The following GOPC variants were observed in gnomAD, a reference collection of about 807,000 sequenced individuals.
GOPC encodes golgi associated PDZ and coiled-coil motif containing.
In GOPC, 32 loss-of-function variants were observed where a neutral mutation model predicts 51.2. The ratio of observed to expected loss-of-function variants is 0.63; its 90% confidence interval spans 0.47 to 0.84. GOPC has a LOEUF of 0.84. Ranked by LOEUF, GOPC falls within the 40% of genes least tolerant of loss-of-function variation. The pLI is 0.00. For synonymous variants in GOPC, 190 were observed against 205.1 expected, an observed-to-expected ratio of 0.93 and a Z score of 0.63; for missense variants, 441 against 555.5, an observed-to-expected ratio of 0.79 and a Z score of 2.07.
chr6:117,580,759 CTA>C (rs1779945489), intron 1 of GOPC, among the ~76,000 whole-genome samples: 1 of 152,098 alleles, frequency 6.6e-6, no homozygotes, highest in Admixed American at 6.5e-5. Context: ...TTTAGCAACA[CTA>C]TTAAGGAAAT....
intron 8 of GOPC, among the ~76,000 whole-genome samples, chr6:117,564,012 C>T (rs529777002): frequency 1.4e-5 from 2 of 147,712 alleles, no homozygotes; most frequent in South Asian, 4.3e-4. Context: ...GGGTCTCACT[C>T]TATTGCCCAG....
At chr6:117,601,933 C>T in intron 1 of GOPC, 71 bp downstream of exon 1, 1 of 1,519,128 alleles carries the variant, frequency 6.6e-7, no homozygotes, top group Non-Finnish European at 9.0e-7. Context: ...TTCACTGGAG[C>T]GTTAAATGGC....
At chr6:117,590,867 T>A (rs1472264750) in intron 1 of GOPC, among the ~76,000 whole-genome samples, 1 of 152,136 alleles carries the variant, frequency 6.6e-6, no homozygotes, top group African/African-American at 2.4e-5. Context: ...TTGTTTTGTT[T>A]TTTGAGAAGG....
intron 1 of GOPC, among the ~76,000 whole-genome samples, chr6:117,586,681 CTG>C (rs781287258): frequency 3.3e-5 from 5 of 151,824 alleles, no homozygotes; most frequent in Non-Finnish European, 7.4e-5. Flanking sequence ...CGGGGTTTCA[CTG>C]TGTTAGCCAG....
chr6:117,577,524 T>G, intron 2 of GOPC, 53 bp from the exon 3 acceptor site: 2 of 1,414,230 alleles, frequency 1.4e-6, no homozygotes, highest in Non-Finnish European at 2.0e-6. Flanking sequence ...AACAAATGAT[T>G]TTATTTAGTG....
intron 1 of GOPC, among the ~76,000 whole-genome samples, chr6:117,584,571 T>C (rs1308544128): frequency 1.3e-5 from 2 of 152,132 alleles, no homozygotes; most frequent in Non-Finnish European, 2.9e-5. Flanking sequence ...AGAGCCTCCA[T>C]GCCTTCCCTG....
chr6:117,588,623 A>G (rs1194260657), intron 1 of GOPC, among the ~76,000 whole-genome samples: 1 of 152,140 alleles, frequency 6.6e-6, no homozygotes, highest in Admixed American at 6.5e-5. Flanking sequence ...CTATTCTTCT[A>G]AAACATTTTT....
At chr6:117,569,147 T>C (rs1779756983) in intron 7 of GOPC, among the ~76,000 whole-genome samples, 1 of 152,222 alleles carries the variant, frequency 6.6e-6, no homozygotes, top group African/African-American at 2.4e-5. Flanking sequence ...ATGTGTGATT[T>C]CAATTTTAAT....
At chr6:117,572,704 A>T (rs188794094) in intron 5 of GOPC, among the ~76,000 whole-genome samples, 1 of 152,340 alleles carries the variant, frequency 6.6e-6, no homozygotes, top group East Asian at 1.9e-4. Flanking sequence ...CCTAGAAGTT[A>T]ATGGGAACCA....
At chr6:117,575,429 C>G in intron 3 of GOPC, 77 bp from the exon 4 acceptor site, 1 of 1,026,344 alleles carries the variant, frequency 9.7e-7, no homozygotes, top group Non-Finnish European at 1.5e-6. Flanking sequence ...TGAAAATGCA[C>G]AAAAGCCTAC....
chr6:117,599,626 CTA>C (rs1163362338), intron 1 of GOPC, among the ~76,000 whole-genome samples: 1 of 152,202 alleles, frequency 6.6e-6, no homozygotes, highest in Non-Finnish European at 1.5e-5. Flanking sequence ...CCCCATTTTC[CTA>C]TGATCTTTAA....
chr6:117,596,119 T>C (rs531212383), intron 1 of GOPC, among the ~76,000 whole-genome samples: 1 of 152,282 alleles, frequency 6.6e-6, no homozygotes, highest in Non-Finnish European at 1.5e-5. Flanking sequence ...TATTGCATTG[T>C]GGTTTTGATT....
intron 1 of GOPC, among the ~76,000 whole-genome samples, chr6:117,596,324 T>G (rs1164981009): frequency 6.6e-6 from 1 of 152,194 alleles, no homozygotes; most frequent in Non-Finnish European, 1.5e-5. Flanking sequence ...GTTGTGAAGA[T>G]TTTCTCCCAC....
At chr6:117,585,933 T>G (rs1025986406) in intron 1 of GOPC, among the ~76,000 whole-genome samples, 1 of 152,216 alleles carries the variant, frequency 6.6e-6, no homozygotes, top group African/African-American at 2.4e-5. Context: ...TGACTCCACA[T>G]GGCAATTTAA....
At chr6:117,574,975 AGG>A (rs1197768167) in intron 4 of GOPC, among the ~76,000 whole-genome samples, 200 bp downstream of exon 4, 4 of 152,124 alleles carry the variant, frequency 2.6e-5, no homozygotes, top group Non-Finnish European at 4.4e-5. Flanking sequence ...GCTACTCAGG[AGG>A]CTGAGGTAGG....
intron 1 of GOPC, among the ~76,000 whole-genome samples, chr6:117,590,009 T>C (rs1408025315): frequency 1.3e-5 from 2 of 152,194 alleles, no homozygotes; most frequent in African/African-American, 4.8e-5. Flanking sequence ...GAGGAATAAA[T>C]GAACCTGAAG....
intron 1 of GOPC, among the ~76,000 whole-genome samples, chr6:117,590,715 T>C (rs868203488): frequency 1.4e-4 from 22 of 152,044 alleles, no homozygotes; most frequent in African/African-American, 5.3e-4. Context: ...CTCTGAGCTT[T>C]GAATGGAGAT....
At chr6:117,567,266 TGA>T (rs979884852) in intron 7 of GOPC, among the ~76,000 whole-genome samples, 1 of 152,208 alleles carries the variant, frequency 6.6e-6, no homozygotes, top group Non-Finnish European at 1.5e-5. Context: ...CTCTTTCTAC[TGA>T]CCATAGTCTT....
rs1303043709 is a variant in GOPC at position 117,572,172 on chromosome 6, CTCA to C, written c.817-1220_817-1218del. ...CAAACACTACTTGTCTAAAACTGATCTCATCATCTTTTCCCCAAATCCTTCCTT... is the reference window on the plus strand; with the variant it reads ...CAAACACTACTTGTCTAAAACTGATCTCATCTTTTCCCCAAATCCTTCCTT... On this transcript the variant is annotated intron_variant, in intron 5 of 8. Coordinates refer to ENST00000368498, the MANE Select transcript of GOPC (RefSeq NM_020399.4). 2.6e-5 allele frequency among the ~76,000 whole-genome samples: 4 copies of C among 152,152 alleles called. No homozygotes were observed. In the East Asian group the frequency reaches 7.7e-4, roughly 29 times the overall value.
Sources: gnomAD v4.1 joint callset for allele counts (sites outside exome capture counted in the v4.1 genomes callset) on GRCh38, gnomAD v4.1.1 for gene constraint, MANE v1.5 for transcripts, NCBI Gene and HGNC (gene_info 2026-07-23, HGNC 2026-07-21) for gene names.